LEMD1: variants seen among roughly 807,000 people sequenced by gnomAD.
LEMD1 encodes the protein LEM domain containing 1, also known as LEM domain-containing protein 1.
A neutral mutation model predicts 17.4 loss-of-function variants in LEMD1; 18 were observed. The ratio of observed to expected loss-of-function variants is 1.04; its 90% CI spans 0.72 to 1.54. The LOEUF is 1.54. Ranked by LOEUF, LEMD1 falls within the 40% of genes most tolerant of loss-of-function variation. The pLI is 0.00. For synonymous variants in LEMD1, 88 were observed against 77.8 expected, an observed-to-expected ratio of 1.13 and a Z score of -0.69; for missense variants, 195 against 210.4, an observed-to-expected ratio of 0.93 and a Z score of 0.45.
intron 3 of LEMD1, among the ~76,000 whole-genome samples, chr1:205,418,109 A>T (rs556452017): frequency 1.3e-5 from 2 of 152,254 alleles, no homozygotes; most frequent in Non-Finnish European, 2.9e-5. Flanking sequence ...TTCCGAGCTC[A>T]GTGATGCTGG....
At chr1:205,401,519 C>T (rs1269048415) in intron 4 of LEMD1, among the ~76,000 whole-genome samples, 1 of 151,912 alleles carries the variant, frequency 6.6e-6, no homozygotes, top group African/African-American at 2.4e-5. Flanking sequence ...CTGTTCATAT[C>T]CTTTGCCCAC....
At chr1:205,406,717 C>T (rs1665129104) in intron 4 of LEMD1, among the ~76,000 whole-genome samples, 1 of 152,186 alleles carries the variant, frequency 6.6e-6, no homozygotes, top group African/African-American at 2.4e-5. Context: ...CACCCACTGT[C>T]CTGCGCCCAC....
chr1:205,412,887 G>T (rs1665516760), intron 4 of LEMD1, among the ~76,000 whole-genome samples: 1 of 152,204 alleles, frequency 6.6e-6, no homozygotes, highest in Non-Finnish European at 1.5e-5. Flanking sequence ...CCATACTCAG[G>T]TTGCTTTTTC....
At position 205,416,367 on chromosome 1, in the gene LEMD1, T is replaced by C. The variant is rs985974954; in HGVS notation, c.206-71A>G. ...AGCTAGCAAAGGGAATAAACATCAA[T>C]CACCAGGGTGAATTCTCTCAATTAG... On this transcript the variant is annotated intron_variant, in intron 3 of 5. Coordinates refer to ENST00000367153, the MANE Select transcript of LEMD1 (RefSeq NM_001199050.2). The C allele has an allele frequency of 1.2e-5, 13 of 1,122,566 alleles. No homozygotes were observed. In the African/African-American group the frequency reaches 1.7e-4, roughly 15 times the overall value. 69.5% of individuals were successfully genotyped at this position (1,122,566 alleles called of 1,614,324 possible).
chr1:205,405,810 G>GT (rs537706337), intron 4 of LEMD1, among the ~76,000 whole-genome samples: 2 of 143,526 alleles, frequency 1.4e-5, no homozygotes, highest in African/African-American at 2.6e-5. Flanking sequence ...TTTCTGCTCT[G>GT]TTTTTTTCCC....
At chr1:205,411,621 A>AGAAGGAAG (rs1365703453) in intron 4 of LEMD1, among the ~76,000 whole-genome samples, 1 of 147,850 alleles carries the variant, frequency 6.8e-6, no homozygotes, top group East Asian at 2.1e-4. Context: ...AAAGAAGGAA[A>AGAAGGAAG]GAAGGAAGGA....
rs111522228 is a variant in LEMD1, at chr1:205,410,497, G to A, written c.270+5735C>T. 6.1e-3 allele frequency among the ~76,000 whole-genome samples: 923 copies of A among 152,228 alleles called. 10 individuals carry two copies. Among genetic ancestry groups the A allele is most frequent in the Middle Eastern group, 0.02 (6 of 294 alleles). On this transcript the variant is annotated intron_variant, in intron 4 of 5. Coordinates refer to ENST00000367153, the MANE Select transcript of LEMD1 (RefSeq NM_001199050.2). Reference sequence around the variant, plus strand: ...GTACATCTAAGAGACAACGTATATGGTACAGAATAGGAAGTCAGAAAGAGA... The same window carrying A: ...GTACATCTAAGAGACAACGTATATGATACAGAATAGGAAGTCAGAAAGAGA...
At chr1:205,432,329 G>A (rs376144791) in intron 1 of LEMD1, among the ~76,000 whole-genome samples, 1 of 152,114 alleles carries the variant, frequency 6.6e-6, no homozygotes, top group Non-Finnish European at 1.5e-5. Context: ...GTCTCCCACC[G>A]GCTTGGGCCT....
At chr1:205,413,134 A>G (rs1184731176) in intron 4 of LEMD1, among the ~76,000 whole-genome samples, 6 of 152,192 alleles carry the variant, frequency 3.9e-5, no homozygotes, top group African/African-American at 1.4e-4. Flanking sequence ...AAACTTAGCA[A>G]CTAGTTTAAA....
At chr1:205,449,618 C>T (rs571447295) in intron 1 of LEMD1, among the ~76,000 whole-genome samples, 16 of 124,916 alleles carry the variant, frequency 1.3e-4, no homozygotes, top group Admixed American at 6.3e-4. Flanking sequence ...GCACAGCACG[C>T]CCCTCCACAC....
At chr1:205,428,625 G>A (rs186901365) in intron 1 of LEMD1, among the ~76,000 whole-genome samples, 12 of 152,280 alleles carry the variant, frequency 7.9e-5, no homozygotes, top group African/African-American at 2.2e-4. Context: ...GGAGGAAAGC[G>A]CTCTGATTTA....
At chr1:205,394,367 TTTAA>T (rs139263580) in intron 4 of LEMD1, among the ~76,000 whole-genome samples, 79,548 of 149,502 alleles carry the variant, frequency 0.53, 21,463 homozygotes, top group South Asian at 0.6. Flanking sequence ...TATTTGTTTA[TTTAA>T]TTAATTAATT....
chr1:205,408,044 C>T (rs1256264250), intron 4 of LEMD1, among the ~76,000 whole-genome samples: 3 of 151,850 alleles, frequency 2.0e-5, no homozygotes, highest in Non-Finnish European at 4.4e-5. Flanking sequence ...ACCGTGGCTC[C>T]AGATCGAAGG....
In LEMD1 at chr1:205,389,233, G is replaced by A. The variant is rs370728791; in HGVS notation, c.271-4869C>T. On this transcript the variant is annotated intron_variant, in intron 4 of 5. Transcript: ENST00000367153. Reference sequence around the variant, plus strand: ...CTGGCTAATTTTTGTATTTTTAGTAGAGATGGGGAGTCACTATGTTGGCCA... The same window carrying A: ...CTGGCTAATTTTTGTATTTTTAGTAAAGATGGGGAGTCACTATGTTGGCCA... Among the ~76,000 whole-genome samples the A allele has an allele frequency of 5.9e-5, 9 of 151,916 alleles. No homozygotes were observed. In the East Asian group the frequency reaches 7.7e-4, roughly 13 times the overall value.
upstream of LEMD1, among the ~76,000 whole-genome samples, chr1:205,424,088 A>C (rs1666026537): frequency 6.6e-6 from 1 of 152,194 alleles, no homozygotes; most frequent in African/African-American, 2.4e-5. Flanking sequence ...AGAATGCACA[A>C]TTTAAATGTA....
chr1:205,400,366 T>C (rs1664784584), intron 4 of LEMD1, among the ~76,000 whole-genome samples: 1 of 152,234 alleles, frequency 6.6e-6, no homozygotes, highest in Admixed American at 6.5e-5. Context: ...CCAAGAAGCC[T>C]GACAAACACC....
rs1663704774 is a variant in LEMD1, at chr1:205,381,745, T to C, written c.459A>G (p.Pro153=). ...CAAGCACAGCAAGCTTCAAGCCCAC[T>C]GGGAAACCTTCTTCTCTCCAGCTCT... The part of the protein sequence containing the change: ...TIESWREEGF[P]VGLKLAVLGI... Residue 153 remains proline, a synonymous_variant, in exon 6 of 6, where the codon CCA becomes CCG. Transcript: ENST00000367153. 2 of 1,614,224 alleles carry C rather than the reference T, an allele frequency of 1.2e-6. No homozygotes were observed. Among genetic ancestry groups the C allele is most frequent in the Middle Eastern group, 3.3e-4 (2 of 6,062 alleles).
chr1:205,386,545 C>A (rs993942097), intron 4 of LEMD1: 1 of 151,920 alleles, frequency 6.6e-6, no homozygotes, highest in Admixed American at 6.6e-5. Context: ...ACCTTGTGAT[C>A]CGCCCGCCTC....
chr1:205,389,135 G>A (rs1043022115), intron 4 of LEMD1, among the ~76,000 whole-genome samples: 1 of 128,926 alleles, frequency 7.8e-6, no homozygotes, highest in Non-Finnish European at 1.6e-5. Context: ...TGCAACCTCC[G>A]CTTCCCGGGT....
Sources: gnomAD v4.1 joint callset for allele counts (sites outside exome capture counted in the v4.1 genomes callset) on GRCh38, gnomAD v4.1.1 for gene constraint, MANE v1.5 for transcripts, NCBI Gene and HGNC (gene_info 2026-07-23, HGNC 2026-07-21) for gene names.